SYNE3: variants seen among roughly 807,000 people sequenced by gnomAD.
The protein encoded by SYNE3 is nesprin-3.
In SYNE3, 100 loss-of-function variants were observed where a neutral mutation model predicts 111.2. The ratio of observed to expected loss-of-function variants is 0.90; its 90% CI spans 0.77 to 1.06. The LOEUF (loss-of-function observed/expected upper bound fraction) is 1.06, where lower values mean the gene tolerates loss of function less well. Among genes scored for constraint, SYNE3 ranks in the 50% least tolerant of loss-of-function variants. SYNE3 has a pLI of 0.00. For missense variants in SYNE3, 1,160 were observed against 1,240.3 expected, an observed-to-expected ratio of 0.94 and a Z score of 0.97; for synonymous variants, 547 against 533.9, an observed-to-expected ratio of 1.02 and a Z score of -0.34.
chr14:95,476,190 C>G (rs369742105), intron 1 of SYNE3, among the ~76,000 whole-genome samples: 1 of 152,208 alleles, frequency 6.6e-6, no homozygotes, highest in East Asian at 1.9e-4. Context: ...ACCTGCAGTC[C>G]GAAACGTCTG....
At position 95,416,791 on chromosome 14, in the gene SYNE3, G is replaced by T. The variant is rs909825135; in HGVS notation, c.*1035C>A. 1.3e-5 allele frequency: 2 copies of T among 152,272 alleles called. No homozygotes were observed. Among genetic ancestry groups the T allele is most frequent in the Non-Finnish European group, 2.9e-5 (2 of 68,086 alleles). The allele number at this position is 152,272 out of a possible 1,614,324, so 9.4% of individuals were successfully genotyped here. A position where few individuals can be genotyped will look rare whatever the true frequency, so the allele number is the denominator to read the frequency against. The stretch of plus-strand genomic sequence containing the variant: ...TCTCTCACCTCTGTCCTGGACCCTC[G>T]ATCCCTGGCCCCTGGCGTGGCAGAT... On this transcript the variant is annotated 3_prime_UTR_variant, in exon 18 of 18. Transcript: ENST00000682763.
intron 9 of SYNE3, among the ~76,000 whole-genome samples, chr14:95,444,854 T>C (rs1261747601): frequency 6.6e-6 from 1 of 152,118 alleles, no homozygotes; most frequent in East Asian, 1.9e-4. Context: ...CCTCCAGAAC[T>C]GGGGCAAGCT....
At chr14:95,505,921 C>T (rs1890510746) in intron 1 of SYNE3, among the ~76,000 whole-genome samples, 1 of 152,282 alleles carries the variant, frequency 6.6e-6, no homozygotes, top group East Asian at 1.9e-4. Flanking sequence ...TCTCAACCAT[C>T]CCTGTGCATC....
rs192592646 is a variant in SYNE3, at chr14:95,499,309, C to T, written c.-15+17287G>A. On this transcript the variant is annotated intron_variant, in intron 1 of 17. Transcript: ENST00000682763. ...GCCTCCTGTGCCTCACAGCCTCCAC[C>T]TGAGAAAGTCCAAGAAGTTTAACAG... 7.7e-4 allele frequency among the ~76,000 whole-genome samples: 118 copies of T among 152,314 alleles called. 1 individual carries two copies. The highest frequency in any genetic ancestry group is 6.3e-4 in the Non-Finnish European group (43 of 68,028).
At chr14:95,515,870 C>T (rs947336224) in intron 1 of SYNE3, among the ~76,000 whole-genome samples, 1 of 152,188 alleles carries the variant, frequency 6.6e-6, no homozygotes, top group South Asian at 2.1e-4. Flanking sequence ...GTCAGCTGGG[C>T]GGTGTAGGAC....
In SYNE3 at chr14:95,416,488, G is replaced by A. The variant is rs1903584864; in HGVS notation, c.*1338C>T. On this transcript the variant is annotated 3_prime_UTR_variant, in exon 18 of 18. Transcript: ENST00000682763. ...TTAGGAAAAACATGATCCAGTTGTA[G>A]AGCACTTAGGAACCATCCCAGAGTT... is the stretch of plus-strand genomic sequence containing the variant. The A allele has an allele frequency of 6.6e-6, 1 of 152,222 alleles. No homozygotes were observed. The highest frequency in any genetic ancestry group is 1.5e-5 in the Non-Finnish European group (1 of 68,044). 9.4% of individuals were successfully genotyped at this position (152,222 alleles called of 1,614,324 possible). A position where few individuals can be genotyped will look rare whatever the true frequency, so the allele number is the denominator to read the frequency against.
Position 95,455,429 on chromosome 14 carries a change from G to A in SYNE3, c.1085C>T (p.Ala362Val), listed in dbSNP as rs781163437. 5.7e-6 allele frequency: 9 copies of A among 1,574,592 alleles called. No individual in the cohort carries two copies. Among genetic ancestry groups the A allele is most frequent in the African/African-American group, 4.1e-5 (3 of 73,198 alleles). Residue 362 changes from alanine to valine, a missense_variant, in exon 6 of 18, where the codon GCG becomes GTG. Coordinates refer to ENST00000682763, the MANE Select transcript of SYNE3 (RefSeq NM_152592.6). Reference protein sequence around the residue: ...QRLAQEGLQPAAKAGTEDELV... With the variant: ...QRLAQEGLQPVAKAGTEDELV... Reference sequence around the variant, plus strand: ...CTCGTCCTCGGTCCCCGCTTTCGCCGCAGGCTGCAGGCCCTCCTGGGCCAG... The same window carrying A: ...CTCGTCCTCGGTCCCCGCTTTCGCCACAGGCTGCAGGCCCTCCTGGGCCAG...
Position 95,410,870 on chromosome 14 carries a change from C to A in SYNE3, c.*6956G>T, listed in dbSNP as rs1903416775. 6.6e-6 allele frequency: 1 copy of A among 152,298 alleles called. No homozygotes were observed. The highest frequency in any genetic ancestry group is 1.5e-5 in the Non-Finnish European group (1 of 68,114). 9.4% of individuals were successfully genotyped at this position (152,298 alleles called of 1,614,324 possible). Reference sequence around the variant, plus strand: ...GAACGCTCCAGGGCTGACTTCCCTCCTTACCAATAGGTGGGGGGAGGTGGT... The same window carrying A: ...GAACGCTCCAGGGCTGACTTCCCTCATTACCAATAGGTGGGGGGAGGTGGT... On this transcript the variant is annotated 3_prime_UTR_variant, in exon 18 of 18. Transcript: ENST00000682763.
In SYNE3 at chr14:95,433,416, G is replaced by A; in HGVS notation, c.2539-7C>T. 6.2e-7 allele frequency: 1 copy of A among 1,613,744 alleles called. No homozygotes were observed. The highest frequency in any genetic ancestry group is 8.5e-7 in the Non-Finnish European group (1 of 1,179,766). On this transcript the variant is annotated splice_polypyrimidine_tract_variant and splice_region_variant and intron_variant, in intron 15 of 17. Coordinates refer to ENST00000682763, the MANE Select transcript of SYNE3 (RefSeq NM_152592.6). ...GCACCCGAGCCTCCAGCTCCTGGGG[G>A]AAACAGCAGCGTCATGGTGCGGCTT...
chr14:95,497,281 C>T (rs1595257151), intron 1 of SYNE3, among the ~76,000 whole-genome samples: 2 of 152,244 alleles, frequency 1.3e-5, no homozygotes, highest in East Asian at 3.8e-4. Context: ...ACTCCTCTGA[C>T]TTTGCCTTCT....
At chr14:95,503,027 A>G (rs924314026) in intron 1 of SYNE3, among the ~76,000 whole-genome samples, 1 of 152,176 alleles carries the variant, frequency 6.6e-6, no homozygotes, top group Non-Finnish European at 1.5e-5. Flanking sequence ...AGGCACGGGG[A>G]TGAAGAGTTA....
chr14:95,471,502 G>C (rs1254774209), intron 2 of SYNE3, among the ~76,000 whole-genome samples: 2 of 152,202 alleles, frequency 1.3e-5, no homozygotes, highest in East Asian at 3.8e-4. Flanking sequence ...AGGCAGGCAA[G>C]ACACCAAGCC....
chr14:95,498,279 C>T (rs1414999711), intron 1 of SYNE3, among the ~76,000 whole-genome samples: 1 of 152,176 alleles, frequency 6.6e-6, no homozygotes, highest in Non-Finnish European at 1.5e-5. Context: ...CAACCTCCAC[C>T]TACCGGGTTC....
At chr14:95,483,449 T>C (rs984051026) in intron 1 of SYNE3, among the ~76,000 whole-genome samples, 1 of 152,172 alleles carries the variant, frequency 6.6e-6, no homozygotes, top group Non-Finnish European at 1.5e-5. Flanking sequence ...TGCTCTCTTA[T>C]GCTTGGATGT....
At chr14:95,497,060 C>T (rs942960997) in intron 1 of SYNE3, among the ~76,000 whole-genome samples, 1 of 152,194 alleles carries the variant, frequency 6.6e-6, no homozygotes, top group African/African-American at 2.4e-5. Flanking sequence ...AAGATTAGGG[C>T]CAATTCAAAT....
chr14:95,417,944 A>T lies in SYNE3; in HGVS notation c.2810T>A (p.Phe937Tyr). 1 of 1,613,880 alleles carries T rather than the reference A, an allele frequency of 6.2e-7. No individual in the cohort carries two copies. The highest frequency in any genetic ancestry group is 1.1e-5 in the South Asian group (1 of 91,054). ...ALPLQLLLLL[F>Y]LLLLFLLPIR... ...TGGGAGCAGGAACAGCAGGAGGAGG[A>T]ACAGCAGCAGAAGCAGCTGCAGTGG... The change falls in exon 18 of 18, where the codon TTC becomes TAC. Residue 937 changes from phenylalanine to tyrosine, a missense_variant. Phe to Tyr is a conservative substitution (Grantham distance 22). Coordinates refer to ENST00000682763, the MANE Select transcript of SYNE3 (RefSeq NM_152592.6).
At chr14:95,483,800 C>T (rs760519186) in intron 1 of SYNE3, among the ~76,000 whole-genome samples, 9 of 152,200 alleles carry the variant, frequency 5.9e-5, no homozygotes, top group African/African-American at 1.4e-4. Context: ...CAAAGCCATG[C>T]GGGCTGCAGG....
At chr14:95,444,231 A>G in intron 10 of SYNE3, 1 of 481,398 alleles carries the variant, frequency 2.1e-6, no homozygotes, top group East Asian at 3.2e-5. Context: ...CCAATGTTAG[A>G]CTTTGGAACT....
chr14:95,433,362 G>A lies in SYNE3; in HGVS notation c.2586C>T (p.Leu862=), dbSNP rs1299325598. ...VPEGQHLFEN[L]LRLGPARGTS... ...TCCCCCTTGCTGGCCCGAGACGAAG[G>A]AGGTTCTCAAAGAGATGCTGACCTT... The change falls in exon 16 of 18, where the codon CTC becomes CTT. Residue 862 remains leucine, a synonymous_variant. Coordinates refer to ENST00000682763, the MANE Select transcript of SYNE3 (RefSeq NM_152592.6). 3.7e-6 allele frequency: 6 copies of A among 1,614,036 alleles called. No homozygotes were observed. The African/African-American group carries it at 6.7e-5, about 18-fold the overall frequency.
Sources: gnomAD v4.1 joint callset for allele counts (sites outside exome capture counted in the v4.1 genomes callset) on GRCh38, gnomAD v4.1.1 for gene constraint, MANE v1.5 for transcripts, NCBI Gene and HGNC (gene_info 2026-07-23, HGNC 2026-07-21) for gene names.